FCGRT: variants seen among roughly 807,000 people sequenced by gnomAD.
FCGRT encodes Fc gamma receptor and transporter.
In FCGRT, 13 loss-of-function variants were observed where a neutral mutation model predicts 35.7. The observed-to-expected ratio is 0.36, with a 90% CI of 0.24 to 0.58. FCGRT has a LOEUF of 0.58. FCGRT is among the 20% of genes least tolerant of loss of function. FCGRT has a pLI of 0.77. For synonymous variants in FCGRT, 233 were observed against 216.5 expected, an observed-to-expected ratio of 1.08 and a Z score of -0.67; for missense variants, 455 against 474.9, an observed-to-expected ratio of 0.96 and a Z score of 0.39.
At chr19:49,522,391 T>C (rs777257622) in intron 4 of FCGRT, among the ~76,000 whole-genome samples, 1 of 151,942 alleles carries the variant, frequency 6.6e-6, no homozygotes, top group Admixed American at 6.6e-5. Flanking sequence ...GCTAATATTA[T>C]GTTTAAGAGT....
At chr19:49,518,058 T>C (rs1165811163) in intron 4 of FCGRT, among the ~76,000 whole-genome samples, 1 of 152,056 alleles carries the variant, frequency 6.6e-6, no homozygotes, top group Non-Finnish European at 1.5e-5. Context: ...ACCCTCCACC[T>C]CAAGTGATCT....
intron 5 of FCGRT, 173 bp from the exon 6 acceptor site, chr19:49,525,284 G>A (rs73582442): frequency 0.09 from 57,727 of 644,868 alleles, 3,122 homozygotes; most frequent in Middle Eastern, 0.17. Flanking sequence ...TGGTTCTTAC[G>A]TCCAACCTGG....
chr19:49,513,574 C>T, intron 2 of FCGRT, 101 bp downstream of exon 2: 1 of 644,272 alleles, frequency 1.6e-6, no homozygotes, highest in Non-Finnish European at 2.2e-6. Context: ...TCCCCGCGAG[C>T]CCCTGGCGCT....
At chr19:49,519,612 C>A (rs538320401) in intron 4 of FCGRT, among the ~76,000 whole-genome samples, 1 of 152,214 alleles carries the variant, frequency 6.6e-6, no homozygotes, top group South Asian at 2.1e-4. Flanking sequence ...TTTAAAGGAG[C>A]AGCTCCATCT....
In FCGRT at chr19:49,526,067, A is replaced by G. The variant is rs535861974; in HGVS notation, c.1046A>G (p.Glu349Gly). 1.8e-5 allele frequency: 29 copies of G among 1,613,598 alleles called. No individual in the cohort carries two copies. Among genetic ancestry groups the G allele is most frequent in the Non-Finnish European group, 2.4e-5 (28 of 1,179,708 alleles). Residue 349 changes from glutamate to glycine, a missense_variant, in exon 7 of 7, where the codon GAG becomes GGG. Physicochemically the swap from Glu to Gly is moderately conservative, Grantham distance 98. This residue lies in a region of FCGRT where 312 missense variants were observed against 296.1 expected (regional missense o/e 1.05). Coordinates refer to ENST00000221466, the MANE Select transcript of FCGRT (RefSeq NM_001136019.3). ...GGGGTCCTCCTGCCCACCCCAGGGG[A>G]GGCCCAGGATGCTGATTTGAAGGAT... is the stretch of plus-strand genomic sequence containing the variant. ...DTGVLLPTPG[E>G]AQDADLKDVN... is the part of the protein sequence containing the mutation.
At chr19:49,513,571 G>A (rs939655268) in intron 2 of FCGRT, 98 bp downstream of exon 2, 2 of 665,808 alleles carry the variant, frequency 3.0e-6, no homozygotes, top group South Asian at 1.5e-4. Flanking sequence ...AGTTCCCCGC[G>A]AGCCCCTGGC....
intron 4 of FCGRT, among the ~76,000 whole-genome samples, chr19:49,524,062 A>G (rs1175864529): frequency 1.4e-5 from 2 of 146,654 alleles, no homozygotes; most frequent in Non-Finnish European, 3.0e-5. Context: ...TCTGTCGCCC[A>G]GGCTGGAGTG....
intron 4 of FCGRT, chr19:49,521,696 C>T (rs946390821): frequency 1.4e-5 from 2 of 146,834 alleles, no homozygotes; most frequent in East Asian, 2.0e-4. Context: ...TTGAGACAGG[C>T]ACTTGCACTG....
chr19:49,525,042 C>T, intron 5 of FCGRT: 1 of 623,440 alleles, frequency 1.6e-6, no homozygotes, highest in Non-Finnish European at 2.9e-6. Flanking sequence ...GTCTGACCAT[C>T]TTCCATCCTG....
At chr19:49,521,910 T>G (rs1448799092) in intron 4 of FCGRT, 1 of 151,768 alleles carries the variant, frequency 6.6e-6, no homozygotes, top group African/African-American at 2.4e-5. Context: ...CTTCCAGTGA[T>G]CCTCCTGCCT....
intron 5 of FCGRT, 84 bp downstream of exon 5, chr19:49,524,860 C>T (rs757686523): frequency 1.7e-5 from 22 of 1,298,106 alleles, no homozygotes; most frequent in Non-Finnish European, 2.1e-5. Context: ...GTCTGACCTT[C>T]CTCCCCACTG....
chr19:49,513,813 T>G, intron 2 of FCGRT, 69 bp from the exon 3 acceptor site: 1 of 1,188,458 alleles, frequency 8.4e-7, no homozygotes, highest in South Asian at 1.5e-5. Context: ...TCTCCCTCCC[T>G]GGGTATCTGT....
rs904496043 is a variant in FCGRT, at chr19:49,526,121, C to T, written c.*2C>T. 6.3e-7 allele frequency: 1 copy of T among 1,596,010 alleles called. No individual in the cohort carries two copies. Among genetic ancestry groups the T allele is most frequent in the Middle Eastern group, 1.7e-4 (1 of 6,018 alleles). On this transcript the variant is annotated 3_prime_UTR_variant, in exon 7 of 7. Coordinates refer to ENST00000221466, the MANE Select transcript of FCGRT (RefSeq NM_001136019.3). Reference sequence around the variant, plus strand: ...AATGTGATTCCAGCCACCGCCTGACCATCCGCCATTCCGACTGCTAAAAGC... The same window carrying T: ...AATGTGATTCCAGCCACCGCCTGACTATCCGCCATTCCGACTGCTAAAAGC...
rs186611285 is a variant in FCGRT at position 49,522,001 on chromosome 19, G to A, written c.602-2506G>A. Among the ~76,000 whole-genome samples, 293 of 151,490 alleles carry A rather than the reference G, an allele frequency of 1.9e-3. 1 individual carries two copies. The highest frequency in any genetic ancestry group is 6.8e-3 in the African/African-American group (279 of 41,274). ...CATTCCCTTAACGAAACCTTTGGAT[G>A]AACAAAAATTCTTAATTTCAGTGAA... On this transcript the variant is annotated intron_variant, in intron 4 of 6. Transcript: ENST00000221466.
At chr19:49,516,611 C>T (rs906357703) in intron 4 of FCGRT, among the ~76,000 whole-genome samples, 3 of 150,546 alleles carry the variant, frequency 2.0e-5, no homozygotes, top group Admixed American at 6.6e-5. Context: ...GACTGCAGTA[C>T]TGTGGCGCAA....
chr19:49,517,270 C>T (rs1461461472), intron 4 of FCGRT, among the ~76,000 whole-genome samples: 5 of 152,128 alleles, frequency 3.3e-5, no homozygotes, highest in Non-Finnish European at 5.9e-5. Context: ...GTGGGCAGAT[C>T]ACTTAAGGTC....
chr19:49,513,177 T>C (rs1004142330), intron 1 of FCGRT: 1 of 362,604 alleles, frequency 2.8e-6, no homozygotes, highest in African/African-American at 2.1e-5. Context: ...GCCGGGACTC[T>C]CAGCCTATCA....
chr19:49,525,194 T>C (rs1367739878), intron 5 of FCGRT: 2 of 518,806 alleles, frequency 3.9e-6, no homozygotes, highest in African/African-American at 1.9e-5. Flanking sequence ...TCTGCCTGCC[T>C]CTCCCCACTG....
At chr19:49,520,542 C>T (rs2062354167) in intron 4 of FCGRT, 1 of 151,950 alleles carries the variant, frequency 6.6e-6, no homozygotes, top group South Asian at 2.1e-4. Context: ...GATGGAGTTT[C>T]ACCATGTTGG....
Sources: allele counts gnomAD v4.1 joint callset (sites outside exome capture counted in the v4.1 genomes callset), GRCh38; gene constraint gnomAD v4.1.1; regional missense constraint gnomAD v4.1.1; transcripts MANE v1.5; gene names NCBI Gene and HGNC (gene_info 2026-07-23, HGNC 2026-07-21).